The following ACLY variants were observed in gnomAD, a reference collection of about 807,000 sequenced individuals.
ACLY encodes the protein ATP-citrate synthase.
A neutral mutation model predicts 133.0 loss-of-function variants in ACLY; 41 were observed. The ratio of observed to expected loss-of-function variants is 0.31; its 90% confidence interval spans 0.24 to 0.40. The LOEUF is 0.40. ACLY is among the 10% of genes least tolerant of loss of function. The probability of loss-of-function intolerance (pLI) is 1.00; values close to 1 mark genes in which losing one functional copy is unlikely to be tolerated. For synonymous variants in ACLY, 495 were observed against 549.3 expected (o/e 0.90, Z 1.38); for missense variants, 1,046 against 1,453.8 (o/e 0.72, Z 4.56).
chr17:41,912,524 C>G lies in ACLY; in HGVS notation c.178G>C (p.Asp60His). ...LLSQNLVVKPDQLIKRRGKLG... is the reference protein window; with the variant it reads ...LLSQNLVVKPHQLIKRRGKLG... ...TTTCCACGACGTTTGATCAGCTGGT[C>G]TGGCTTGACTACCAAGTTCTGGAAC... is the stretch of plus-strand genomic sequence containing the variant. Residue 60 changes from aspartate to histidine, a missense_variant, in exon 3 of 29, where the codon GAC (aspartate) becomes CAC (histidine). Physicochemically the swap from Asp to His is moderately conservative, Grantham distance 81 (BLOSUM62 -1). Around this residue, in one of 4 missense-constraint regions of ACLY, gnomAD observed 227 missense variants for 245.6 expected, o/e 0.92. Transcript: ENST00000352035. 1 of 1,614,184 alleles carries G rather than the reference C, an allele frequency of 6.2e-7. No homozygotes were observed. The highest frequency in any genetic ancestry group is 8.5e-7 in the Non-Finnish European group (1 of 1,180,018).
At position 41,912,421 on chromosome 17, in the gene ACLY, GT is replaced by G; in HGVS notation, c.280del (p.Thr94GlnfsTer13). 6.2e-7 allele frequency: 1 copy of G among 1,614,004 alleles called. No individual in the cohort carries two copies. The part of the protein sequence containing the change: ...WLKPRLGQEA[T>X]VGKATGFLKN... ...CATCCTGACCCCATGCCCACTCACT[GT>G]GGCTTCCTGTCCCAGCCGTGGCTTC... is the stretch of plus-strand genomic sequence containing the variant. On this transcript the variant is annotated frameshift_variant and splice_region_variant, in exon 3 of 29. Transcript: ENST00000352035. LOFTEE classifies it high-confidence loss of function.
At chr17:41,896,711 A>G in intron 13 of ACLY, 62 bp from the exon 14 acceptor site, 1 of 1,466,258 alleles carries the variant, frequency 6.8e-7, no homozygotes, top group Non-Finnish European at 9.2e-7. Context: ...CTTTGGAGGG[A>G]GAGGGTGGGA....
At chr17:41,868,488 G>T (rs546754693) in intron 28 of ACLY, among the ~76,000 whole-genome samples, 2 of 145,162 alleles carry the variant, frequency 1.4e-5, no homozygotes, top group South Asian at 4.4e-4. Context: ...TAAGAACAAA[G>T]GAACAATGAT....
At position 41,867,883 on chromosome 17, in the gene ACLY, C is replaced by A. The variant is rs1051418156; in HGVS notation, c.3233G>T (p.Arg1078Met). The stretch of plus-strand genomic sequence containing the variant: ...ATGACGATACAGCCCCTGCTTCAGC[C>A]TCTTCTGATCAAGATAGTGTCCTAA... ...GFIGHYLDQKRLKQGLYRHPW... is the reference protein window; with the variant it reads ...GFIGHYLDQKMLKQGLYRHPW... The change falls in exon 29 of 29, where the codon AGG (arginine) becomes ATG (methionine). Residue 1078 changes from arginine to methionine, a missense_variant. Physicochemically the swap from Arg to Met is moderately conservative, Grantham distance 91. Transcript: ENST00000352035. The A allele has an allele frequency of 1.9e-6, 3 of 1,610,766 alleles. No individual in the cohort carries two copies. In the African/African-American group the frequency reaches 4.0e-5, roughly 22 times the overall value.
chr17:41,879,006 T>C lies in ACLY; in HGVS notation c.2266-82A>G, dbSNP rs189437788. On this transcript the variant is annotated intron_variant, in intron 20 of 28. Transcript: ENST00000352035. ...CCCATGTAAAGTGTGCTAAACACTT[T>C]ACATGAATCACTTCATTTAAGCCTC... The C allele has an allele frequency of 3.0e-4, 471 of 1,553,754 alleles. 2 individuals carry two copies. In the African/African-American group the frequency reaches 5.7e-3, roughly 19 times the overall value.
rs199697422 is a variant in ACLY at position 41,913,902 on chromosome 17, T to C, written c.-23-6A>G. 6.2e-7 allele frequency: 1 copy of C among 1,613,858 alleles called. No individual in the cohort carries two copies. Among genetic ancestry groups the C allele is most frequent in the East Asian group, 2.2e-5 (1 of 44,880 alleles). Reference sequence around the variant, plus strand: ...TGCAGAGAGACCTGCTCTACCTGTCTGGGAGAGAGAAGCTGGTCAGAAGGG... The same window carrying C: ...TGCAGAGAGACCTGCTCTACCTGTCCGGGAGAGAGAAGCTGGTCAGAAGGG... On this transcript the variant is annotated splice_region_variant and splice_polypyrimidine_tract_variant and intron_variant, in intron 1 of 28. Coordinates refer to ENST00000352035, the MANE Select transcript of ACLY (RefSeq NM_001096.3).
At chr17:41,878,987 TA>T in intron 20 of ACLY, 63 bp from the exon 21 acceptor site, 1 of 1,600,774 alleles carries the variant, frequency 6.2e-7, no homozygotes, top group South Asian at 1.1e-5. Flanking sequence ...GAATCCCATG[TA>T]AAGTGTGCTA....
rs567113511 is a variant in ACLY, at chr17:41,876,355, C to T, written c.2487+1748G>A. The stretch of plus-strand genomic sequence containing the variant: ...GAGGTGAGGGGCGCCTCTGCCCGGC[C>T]GCCCCTACTGGGAAGTGAGGAGCCC... On this transcript the variant is annotated intron_variant, in intron 22 of 28. Transcript: ENST00000352035. 1.7e-3 allele frequency among the ~76,000 whole-genome samples: 255 copies of T among 151,636 alleles called. 2 individuals carry two copies. Among genetic ancestry groups the T allele is most frequent in the African/African-American group, 5.7e-3 (234 of 41,336 alleles).
intron 3 of ACLY, among the ~76,000 whole-genome samples, chr17:41,910,685 A>G (rs1362207619): frequency 6.6e-6 from 1 of 152,224 alleles, no homozygotes; most frequent in Non-Finnish European, 1.5e-5. Flanking sequence ...GCCTCAGGAC[A>G]TGGGTCCGGG....
chr17:41,887,719 A>C lies in ACLY; in HGVS notation c.1771-16T>G. 6.2e-7 allele frequency: 1 copy of C among 1,610,620 alleles called. No individual in the cohort carries two copies. Among genetic ancestry groups the C allele is most frequent in the Non-Finnish European group, 8.5e-7 (1 of 1,177,020 alleles). On this transcript the variant is annotated splice_polypyrimidine_tract_variant and intron_variant, in intron 16 of 28. Transcript: ENST00000352035. ...TGGTCCGGATCTAGAGGATGACAAAAGTCCCTTCCTGTTAACTCTCTGCCT... is the reference window on the plus strand; with the variant it reads ...TGGTCCGGATCTAGAGGATGACAAACGTCCCTTCCTGTTAACTCTCTGCCT...
chr17:41,908,732 C>T (rs1274005452), intron 6 of ACLY, among the ~76,000 whole-genome samples: 1 of 152,198 alleles, frequency 6.6e-6, no homozygotes, highest in African/African-American at 2.4e-5. Context: ...CCACTGTACT[C>T]CAGCCTGGGC....
chr17:41,876,090 C>T (rs1295733504), intron 22 of ACLY, among the ~76,000 whole-genome samples: 4 of 151,832 alleles, frequency 2.6e-5, no homozygotes, highest in Admixed American at 2.0e-4. Flanking sequence ...AGGAGATCCT[C>T]TGCCTGGCAA....
chr17:41,907,134 G>A (rs1358378144), intron 7 of ACLY, among the ~76,000 whole-genome samples: 5 of 152,118 alleles, frequency 3.3e-5, no homozygotes, highest in Admixed American at 2.6e-4. Flanking sequence ...TCAGTGAGAC[G>A]CGGAGAGAAT....
chr17:41,882,275 G>A (rs781876967), intron 20 of ACLY, among the ~76,000 whole-genome samples: 8 of 138,206 alleles, frequency 5.8e-5, no homozygotes, highest in Non-Finnish European at 1.1e-4. Context: ...GCTGAGGCAG[G>A]AGAATCATTT....
At position 41,885,116 on chromosome 17, in the gene ACLY, A is replaced by ACAATCCTCCTCC. The variant is rs57397000; in HGVS notation, c.2073-854_2073-843dup. Among the ~76,000 whole-genome samples the ACAATCCTCCTCC allele has an allele frequency of 3.7e-3, 566 of 152,216 alleles. 2 individuals carry two copies. Among genetic ancestry groups the ACAATCCTCCTCC allele is most frequent in the African/African-American group, 0.013 (545 of 41,530 alleles). Reference sequence around the variant, plus strand: ...GCTAGTCTCGAATTTCTGGGCTGAAACAATCCTCCTCCCTCAGCCCCCCAA... The same window carrying ACAATCCTCCTCC: ...GCTAGTCTCGAATTTCTGGGCTGAAACAATCCTCCTCCCAATCCTCCTCCCTCAGCCCCCCAA... On this transcript the variant is annotated intron_variant, in intron 18 of 28. Coordinates refer to ENST00000352035, the MANE Select transcript of ACLY (RefSeq NM_001096.3).
In ACLY at chr17:41,898,612, T is replaced by G. The variant is rs1555630877; in HGVS notation, c.1338+19A>C. ...TGAGATGGTTCCTTCCTGTAAGGTT[T>G]GGGGAGGCTGGAACCTACCGATGTG... On this transcript the variant is annotated intron_variant, in intron 12 of 28. Coordinates refer to ENST00000352035, the MANE Select transcript of ACLY (RefSeq NM_001096.3). 1.2e-6 allele frequency: 2 copies of G among 1,612,118 alleles called. No homozygotes were observed. The highest frequency in any genetic ancestry group is 1.7e-6 in the Non-Finnish European group (2 of 1,179,216).
chr17:41,878,997 T>C (rs1555626697), intron 20 of ACLY, 73 bp from the exon 21 acceptor site: 1 of 1,560,020 alleles, frequency 6.4e-7, no homozygotes, highest in African/African-American at 1.4e-5. Context: ...TAAAGTGTGC[T>C]AAACACTTTA....
chr17:41,894,263 C>T (rs2049298651), intron 14 of ACLY, among the ~76,000 whole-genome samples: 1 of 150,902 alleles, frequency 6.6e-6, no homozygotes, highest in South Asian at 2.1e-4. Context: ...ACCTGTAATC[C>T]CAGCTTCTTG....
chr17:41,912,604 G>A, intron 2 of ACLY, 62 bp from the exon 3 acceptor site: 3 of 1,600,632 alleles, frequency 1.9e-6, no homozygotes, highest in Non-Finnish European at 2.6e-6. Flanking sequence ...AGTATTTTGG[G>A]GATCCAAATA....
Sources: gnomAD v4.1 joint callset for allele counts (sites outside exome capture counted in the v4.1 genomes callset) on GRCh38, gnomAD v4.1.1 for gene constraint, gnomAD v4.1.1 regional missense constraint, MANE v1.5 for transcripts, NCBI Gene and HGNC (gene_info 2026-07-23, HGNC 2026-07-21) for gene names.